Variants in ZBTB20 observed in about 807,000 individuals in gnomAD.
The protein encoded by ZBTB20 is zinc finger and BTB domain containing 20.
Under a neutral mutation model 56.9 loss-of-function variants are expected in ZBTB20, and 9 were observed. The ratio of observed to expected loss-of-function variants is 0.16; its 90% confidence interval spans 0.10 to 0.28. The LOEUF (loss-of-function observed/expected upper bound fraction) is 0.28, where lower values mean the gene tolerates loss of function less well. ZBTB20 is among the 10% of genes least tolerant of loss of function. ZBTB20 has a pLI of 1.00. For missense variants in ZBTB20, 655 were observed against 1,003.0 expected (o/e 0.65, Z 4.69); for synonymous variants, 417 against 420.7 (o/e 0.99, Z 0.11).
At chr3:114,796,405 GATGTC>G (rs778569860) in intron 5 of ZBTB20, among the ~76,000 whole-genome samples, 72 of 151,974 alleles carry the variant, frequency 4.7e-4, no homozygotes, top group Non-Finnish European at 7.5e-4. Flanking sequence ...TAGATTTTAG[GATGTC>G]ATGTATATTG....
At chr3:115,059,328 C>T (rs1383754755) in intron 2 of ZBTB20, among the ~76,000 whole-genome samples, 1 of 152,150 alleles carries the variant, frequency 6.6e-6, no homozygotes, top group Non-Finnish European at 1.5e-5. Context: ...TGGTTAATAG[C>T]TTGCAGATCA....
chr3:114,976,795 A>T (rs890397064), intron 2 of ZBTB20, among the ~76,000 whole-genome samples: 1 of 152,182 alleles, frequency 6.6e-6, no homozygotes, highest in African/African-American at 2.4e-5. Flanking sequence ...TACATTGTCA[A>T]AGGCATTTAC....
At chr3:115,080,607 G>A (rs1052599861) in intron 1 of ZBTB20, among the ~76,000 whole-genome samples, 1 of 152,130 alleles carries the variant, frequency 6.6e-6, no homozygotes, top group African/African-American at 2.4e-5. Context: ...TAAACCTAAA[G>A]CCAAAAGGAA....
In ZBTB20 at chr3:114,671,117, G is replaced by A. The variant is rs878961866; in HGVS notation, c.-295+22411C>T. ...TTAGTTAGATTGTTTGTAAGTAGGC[G>A]TGCATTATTTTTACCATGTTTTATT... On this transcript the variant is annotated intron_variant, in intron 6 of 11. Transcript: ENST00000675478. 3.3e-5 allele frequency among the ~76,000 whole-genome samples: 5 copies of A among 152,094 alleles called. 1 individual carries two copies. The highest frequency in any genetic ancestry group is 2.0e-4 in the Admixed American group (3 of 15,244).
intron 6 of ZBTB20, chr3:114,687,097 T>A (rs2062386046): frequency 6.6e-6 from 1 of 152,050 alleles, no homozygotes; most frequent in Non-Finnish European, 1.5e-5. Context: ...GTATGATTTT[T>A]CCCCAGAGTA....
At chr3:114,481,878 T>G (rs573138358) in intron 7 of ZBTB20, among the ~76,000 whole-genome samples, 1 of 152,150 alleles carries the variant, frequency 6.6e-6, no homozygotes, top group Non-Finnish European at 1.5e-5. Flanking sequence ...CTGGTGATGA[T>G]GATGATGCAA....
chr3:115,106,019 T>C (rs574796429), intron 1 of ZBTB20, among the ~76,000 whole-genome samples: 118 of 152,076 alleles, frequency 7.8e-4, no homozygotes, highest in Middle Eastern at 3.4e-3. Context: ...GATTTCACCA[T>C]GTTGGTCAGG....
chr3:114,370,883 G>GATAACTGC (rs932507643), intron 10 of ZBTB20, among the ~76,000 whole-genome samples: 2 of 152,236 alleles, frequency 1.3e-5, no homozygotes, highest in Non-Finnish European at 2.9e-5. Flanking sequence ...AGTTATCTTT[G>GATAACTGC]ATAACTGCCT....
At chr3:114,540,005 C>T (rs1222654640) in intron 6 of ZBTB20, among the ~76,000 whole-genome samples, 3 of 150,056 alleles carry the variant, frequency 2.0e-5, no homozygotes, top group Non-Finnish European at 4.4e-5. Context: ...ATTATTTTAT[C>T]AATGAAGTAC....
chr3:114,314,939 C>T lies in ZBTB20; in HGVS notation c.*24066G>A, dbSNP rs2078623600. ...ATTAAATGGCAGGTAAGGATACTGT[C>T]ACTGTAAGAAAAAACTGGCAGGATG... On this transcript the variant is annotated 3_prime_UTR_variant, in exon 12 of 12. Transcript: ENST00000675478. 6.6e-6 allele frequency: 1 copy of T among 151,946 alleles called. No individual in the cohort carries two copies. Among genetic ancestry groups the T allele is most frequent in the Non-Finnish European group, 1.5e-5 (1 of 67,992 alleles). 9.4% of individuals were successfully genotyped at this position (151,946 alleles called of 1,614,324 possible).
chr3:114,893,328 A>C (rs908073402), intron 4 of ZBTB20, among the ~76,000 whole-genome samples: 1 of 152,206 alleles, frequency 6.6e-6, no homozygotes, highest in African/African-American at 2.4e-5. Context: ...CAATTTTTTA[A>C]AAGTACATAT....
intron 6 of ZBTB20, among the ~76,000 whole-genome samples, chr3:114,584,542 C>T (rs1008057610): frequency 6.6e-6 from 1 of 151,054 alleles, no homozygotes; most frequent in Non-Finnish European, 1.5e-5. Context: ...AAAAAAAAGG[C>T]TCTCTTCTCA....
At chr3:114,752,908 G>A (rs941362347) in intron 5 of ZBTB20, among the ~76,000 whole-genome samples, 1 of 151,996 alleles carries the variant, frequency 6.6e-6, no homozygotes, top group African/African-American at 2.4e-5. Context: ...TCAGTTCAAT[G>A]AAAAAACCCA....
intron 6 of ZBTB20, among the ~76,000 whole-genome samples, chr3:114,690,945 CAAT>C (rs2062661654): frequency 6.6e-6 from 1 of 151,932 alleles, no homozygotes; most frequent in East Asian, 1.9e-4. Context: ...TGCTTAAACC[CAAT>C]AATAAGTATA....
intron 1 of ZBTB20, among the ~76,000 whole-genome samples, chr3:115,141,791 C>T (rs1428327307): frequency 1.3e-5 from 2 of 152,122 alleles, no homozygotes; most frequent in South Asian, 2.1e-4. Flanking sequence ...CAATAACACC[C>T]CAAATTTTGA....
chr3:114,843,687 T>A (rs2937261), intron 4 of ZBTB20, among the ~76,000 whole-genome samples: 108,425 of 151,134 alleles, frequency 0.72, 39,483 homozygotes, highest in East Asian at 0.82. Context: ...ATATATATAT[T>A]TTTTTTTGAG....
chr3:114,520,131 T>TGAAAAA (rs2046462901), intron 6 of ZBTB20: 1 of 151,534 alleles, frequency 6.6e-6, no homozygotes, highest in Non-Finnish European at 1.5e-5. Context: ...TCCTTCCCTA[T>TGAAAAA]GAAAAAGAAA....
intron 5 of ZBTB20, among the ~76,000 whole-genome samples, chr3:114,715,766 T>C (rs530863974): frequency 6.6e-6 from 1 of 152,280 alleles, no homozygotes; most frequent in Admixed American, 6.5e-5. Context: ...ATGCACAGTA[T>C]TAAATAAGAT....
intron 3 of ZBTB20, among the ~76,000 whole-genome samples, chr3:114,928,481 A>C (rs1159859230): frequency 6.6e-6 from 1 of 152,218 alleles, no homozygotes; most frequent in Non-Finnish European, 1.5e-5. Flanking sequence ...TCAATGATGG[A>C]AAGATTCTTG....
Sources: gnomAD v4.1 joint callset for allele counts (sites outside exome capture counted in the v4.1 genomes callset) on GRCh38, gnomAD v4.1.1 for gene constraint, MANE v1.5 for transcripts, NCBI Gene and HGNC (gene_info 2026-07-23, HGNC 2026-07-21) for gene names.